PARVB: variants seen among roughly 807,000 people sequenced by gnomAD.
PARVB encodes parvin beta.
In PARVB, 46 loss-of-function variants were observed where a neutral mutation model predicts 47.0. The observed-to-expected ratio is 0.98, with a 90% confidence interval of 0.77 to 1.25. PARVB has a LOEUF of 1.25. Among genes scored for constraint, PARVB ranks in the 50% most tolerant of loss-of-function variants. The probability of loss-of-function intolerance (pLI) is 0.00; values close to 1 mark genes in which losing one functional copy is unlikely to be tolerated. For missense variants in PARVB, 473 were observed against 471.6 expected, an observed-to-expected ratio of 1.00 and a Z score of -0.03; for synonymous variants, 196 against 196.3, an observed-to-expected ratio of 1.00 and a Z score of 0.01.
intron 2 of PARVB, among the ~76,000 whole-genome samples, chr22:44,015,924 A>G (rs11912129): frequency 0.03 from 4,519 of 152,182 alleles, 122 homozygotes; most frequent in Admixed American, 0.082. Flanking sequence ...GCCTTATACA[A>G]ATGGCACACC....
rs149380541 is a variant in PARVB at position 44,160,767 on chromosome 22, G to A, written c.945+2684G>A. Among the ~76,000 whole-genome samples, 110 of 152,312 alleles carry A rather than the reference G, an allele frequency of 7.2e-4. 3 individuals are homozygous for A. In the East Asian group the frequency reaches 0.019, roughly 26 times the overall value. ...AAAACCACTTACTGTGGGGCCGAGC[G>A]GCTGCAGAGCAATGAGGCTTGGAAG... On this transcript the variant is annotated intron_variant, in intron 11 of 12. Coordinates refer to ENST00000338758, the MANE Select transcript of PARVB (RefSeq NM_013327.5).
chr22:44,074,156 A>G (rs130317), intron 1 of PARVB, among the ~76,000 whole-genome samples: 123,614 of 152,172 alleles, frequency 0.81, 50,769 homozygotes, highest in African/African-American at 0.94. Flanking sequence ...GTCTCTGGAA[A>G]CCAGAGGAGG....
intron 4 of PARVB, among the ~76,000 whole-genome samples, chr22:44,121,861 C>T (rs1010561844): frequency 6.6e-6 from 1 of 152,170 alleles, no homozygotes; most frequent in African/African-American, 2.4e-5. Context: ...AATATATTTG[C>T]TATTTACTCT....
chr22:44,123,535 G>A (rs755092502), intron 4 of PARVB, among the ~76,000 whole-genome samples: 2 of 152,102 alleles, frequency 1.3e-5, no homozygotes, highest in East Asian at 1.9e-4. Context: ...CACCTTAGCC[G>A]CCCGAGTAGC....
upstream of PARVB, among the ~76,000 whole-genome samples, chr22:44,021,261 T>A (rs1357149073): frequency 6.6e-6 from 1 of 152,186 alleles, no homozygotes; most frequent in African/African-American, 2.4e-5. Flanking sequence ...GGACTCCTCC[T>A]GAAATGGGGG....
At chr22:44,003,453 A>G (rs1451421742) in intron 2 of PARVB, among the ~76,000 whole-genome samples, 1 of 152,260 alleles carries the variant, frequency 6.6e-6, no homozygotes, top group East Asian at 1.9e-4. Context: ...GTGGAATGGA[A>G]TTTCCTGGGA....
chr22:44,132,868 G>C, intron 5 of PARVB, 26 bp from the exon 6 acceptor site: 1 of 1,524,262 alleles, frequency 6.6e-7, no homozygotes, highest in South Asian at 1.1e-5. Flanking sequence ...GATCTAAAGC[G>C]TCTCCCTTCC....
chr22:44,132,570 T>G (rs936320593), intron 5 of PARVB, among the ~76,000 whole-genome samples: 4 of 152,186 alleles, frequency 2.6e-5, no homozygotes, highest in Non-Finnish European at 5.9e-5. Flanking sequence ...GGCCGTGACC[T>G]GCTTTCCATG....
intron 8 of PARVB, chr22:44,144,776 C>T (rs1011054642): frequency 6.6e-6 from 1 of 152,240 alleles, no homozygotes; most frequent in Non-Finnish European, 1.5e-5. Context: ...GCCTGGGTGA[C>T]AGAGTGAGAC....
chr22:44,112,116 C>T (rs77064371), intron 3 of PARVB: 14 of 152,112 alleles, frequency 9.2e-5, no homozygotes, highest in African/African-American at 3.4e-4. Context: ...TGTTGTCTCT[C>T]GAATTTAAAT....
upstream of PARVB, chr22:44,024,162 G>A: frequency 5.2e-6 from 1 of 192,132 alleles, no homozygotes; most frequent in Non-Finnish European, 9.6e-6. Context: ...GGACGGGGAC[G>A]GCTCTGGCCG....
chr22:44,076,614 G>A lies in PARVB; in HGVS notation c.113-17314G>A, dbSNP rs574617436. On this transcript the variant is annotated intron_variant, in intron 1 of 12. Transcript: ENST00000338758. ...CAATGGCAGGAGCAGTGTATGCCTCGTGGTGCAGGGAGCACGAGTTGTTTA... is the reference window on the plus strand; with the variant it reads ...CAATGGCAGGAGCAGTGTATGCCTCATGGTGCAGGGAGCACGAGTTGTTTA... Among the ~76,000 whole-genome samples, 207 of 152,322 alleles carry A rather than the reference G, an allele frequency of 1.4e-3. 1 individual carries two copies. The highest frequency in any genetic ancestry group is 2.4e-3 in the Non-Finnish European group (164 of 68,024).
Position 44,169,734 on chromosome 22 carries a change from T to A in PARVB, c.*1056T>A, listed in dbSNP as rs1003541288. 1.3e-5 allele frequency: 2 copies of A among 150,142 alleles called. No individual in the cohort carries two copies. The highest frequency in any genetic ancestry group is 2.9e-5 in the Non-Finnish European group (2 of 68,110). The allele number at this position is 150,142 out of a possible 1,614,324, so 9.3% of individuals were successfully genotyped here. A position where few individuals can be genotyped will look rare whatever the true frequency, so the allele number is the denominator to read the frequency against. On this transcript the variant is annotated 3_prime_UTR_variant, in exon 13 of 13. Transcript: ENST00000338758. ...TTTGTTTTTATTTTTTGAGACAGAG[T>A]CTCGCTCTGTCACCAGGCTGGAGTG... is the stretch of plus-strand genomic sequence containing the variant.
chr22:44,168,492 G>T, intron 12 of PARVB, 110 bp from the exon 13 acceptor site: 1 of 755,794 alleles, frequency 1.3e-6, no homozygotes. Context: ...GGGAAGCGCT[G>T]TGTGTGGATG....
intron 4 of PARVB, among the ~76,000 whole-genome samples, chr22:44,126,828 C>T (rs2053195652): frequency 6.6e-6 from 1 of 152,192 alleles, no homozygotes; most frequent in South Asian, 2.1e-4. Flanking sequence ...AACAGTATGT[C>T]AGCAAGCCTT....
rs545236357 is a variant in PARVB, at chr22:44,068,373, T to A, written c.113-25555T>A. On this transcript the variant is annotated intron_variant, in intron 1 of 12. Transcript: ENST00000338758. This position sits in a 1 kb window ranked among gnomAD's most constrained non-coding sequence, Gnocchi z 4.1. Reference sequence around the variant, plus strand: ...TAGGGAGGGGCTGGGCCTGGTGTTATAAACCAGGAGAGGGTTCAGGCCGAG... The same window carrying A: ...TAGGGAGGGGCTGGGCCTGGTGTTAAAAACCAGGAGAGGGTTCAGGCCGAG... 6.6e-6 allele frequency among the ~76,000 whole-genome samples: 1 copy of A among 152,194 alleles called. No homozygotes were observed. The highest frequency in any genetic ancestry group is 2.1e-4 in the South Asian group (1 of 4,804).
At chr22:44,074,837 C>T (rs1012776298) in intron 1 of PARVB, among the ~76,000 whole-genome samples, 1 of 152,230 alleles carries the variant, frequency 6.6e-6, no homozygotes, top group East Asian at 1.9e-4. Context: ...TCATCCCCTG[C>T]CCCTGGGCCC....
Position 44,172,913 on chromosome 22 carries a change from T to C in PARVB, c.*4235T>C. Reference sequence around the variant, plus strand: ...CACGTGGCGTCACAGTATGCTGTTATTTATTCCAATAAAGACCTCGTGAGC... The same window carrying C: ...CACGTGGCGTCACAGTATGCTGTTACTTATTCCAATAAAGACCTCGTGAGC... On this transcript the variant is annotated 3_prime_UTR_variant, in exon 13 of 13. Coordinates refer to ENST00000338758, the MANE Select transcript of PARVB (RefSeq NM_013327.5). 8.6e-7 allele frequency: 1 copy of C among 1,169,162 alleles called. No individual in the cohort carries two copies. Among genetic ancestry groups the C allele is most frequent in the African/African-American group, 1.6e-5 (1 of 63,164 alleles). The allele number at this position is 1,169,162 out of a possible 1,614,324, so 72.4% of individuals were successfully genotyped here.
chr22:44,063,780 T>A (rs2051464610), intron 1 of PARVB, among the ~76,000 whole-genome samples: 1 of 152,120 alleles, frequency 6.6e-6, no homozygotes, highest in Admixed American at 6.5e-5. Context: ...AGGCAGCTGC[T>A]CCTGGTACAG....
Sources: gnomAD v4.1 joint callset for allele counts (sites outside exome capture counted in the v4.1 genomes callset) on GRCh38, gnomAD v4.1.1 for gene constraint, Gnocchi (gnomAD v3.1) non-coding constraint, MANE v1.5 for transcripts, NCBI Gene and HGNC (gene_info 2026-07-23, HGNC 2026-07-21) for gene names.